The following PRKCB variants were observed in gnomAD, a reference collection of about 807,000 sequenced individuals.
PRKCB encodes protein kinase C beta.
PRKCB carries 13 observed loss-of-function variants against 81.5 expected under a neutral mutation model. The ratio of observed to expected loss-of-function variants is 0.16; its 90% CI spans 0.10 to 0.25. PRKCB has a LOEUF of 0.25. Among genes scored for constraint, PRKCB ranks in the 10% least tolerant of loss-of-function variants. The pLI is 1.00. For synonymous variants in PRKCB, 335 were observed against 321.4 expected (o/e 1.04, Z -0.45); for missense variants, 509 against 875.7 (o/e 0.58, Z 5.29).
At chr16:23,883,715 T>G (rs1429626438) in intron 2 of PRKCB, among the ~76,000 whole-genome samples, 2 of 152,148 alleles carry the variant, frequency 1.3e-5, no homozygotes, top group East Asian at 3.9e-4. Context: ...TACTGGTAAA[T>G]GGGATATGAA....
At chr16:24,108,560 G>A (rs1446057078) in intron 7 of PRKCB, among the ~76,000 whole-genome samples, 2 of 144,764 alleles carry the variant, frequency 1.4e-5, no homozygotes, top group East Asian at 2.0e-4. Flanking sequence ...GACTCTTAAC[G>A]AGCATGCTGC....
At chr16:24,209,458 T>G (rs1394924403) in intron 16 of PRKCB, among the ~76,000 whole-genome samples, 1 of 152,166 alleles carries the variant, frequency 6.6e-6, no homozygotes, top group African/African-American at 2.4e-5. Flanking sequence ...TCTGGAATTT[T>G]GAACTTATCA....
chr16:23,934,132 C>T (rs535560653), intron 2 of PRKCB, among the ~76,000 whole-genome samples: 2 of 152,182 alleles, frequency 1.3e-5, no homozygotes, highest in African/African-American at 4.8e-5. Flanking sequence ...TTGGTTCTGT[C>T]TATTATCAGC....
intron 9 of PRKCB, chr16:24,151,694 A>G: frequency 2.4e-6 from 1 of 419,806 alleles, no homozygotes; most frequent in Non-Finnish European, 4.8e-6. Context: ...GTTCAAAGGA[A>G]AAGAAAGAAC....
At position 24,220,204 on chromosome 16, in the gene PRKCB, A is replaced by G. The variant is rs187700395; in HGVS notation, c.*5388A>G. Reference sequence around the variant, plus strand: ...TAGTCTTCCAGGATTCACGGTGCACATGCTGGCATTCAACATGTGGAAAGC... The same window carrying G: ...TAGTCTTCCAGGATTCACGGTGCACGTGCTGGCATTCAACATGTGGAAAGC... On this transcript the variant is annotated 3_prime_UTR_variant, in exon 17 of 17. Coordinates refer to ENST00000643927, the MANE Select transcript of PRKCB (RefSeq NM_002738.7). 96 of 1,478,132 alleles carry G rather than the reference A, an allele frequency of 6.5e-5. 1 individual carries two copies. The highest frequency in any genetic ancestry group is 1.6e-4 in the East Asian group (7 of 43,682). 91.6% of individuals were successfully genotyped at this position (1,478,132 alleles called of 1,614,324 possible).
chr16:24,120,326 C>A (rs1308316334), intron 8 of PRKCB, among the ~76,000 whole-genome samples: 1 of 152,180 alleles, frequency 6.6e-6, no homozygotes, highest in Non-Finnish European at 1.5e-5. Flanking sequence ...GATTGGTGCA[C>A]TTTGCGGTGC....
At chr16:24,126,247 A>G (rs1439810450) in intron 9 of PRKCB, among the ~76,000 whole-genome samples, 1 of 152,136 alleles carries the variant, frequency 6.6e-6, no homozygotes, top group Non-Finnish European at 1.5e-5. Context: ...AAAAAAAAAT[A>G]GATGAGGTCA....
intron 5 of PRKCB, among the ~76,000 whole-genome samples, chr16:24,088,916 C>A (rs1265578505): frequency 6.6e-6 from 1 of 151,948 alleles, no homozygotes. Context: ...AGTGGCCTTG[C>A]CAGGGAGAAG....
At chr16:23,867,312 G>A (rs566143606) in intron 2 of PRKCB, among the ~76,000 whole-genome samples, 85 of 152,190 alleles carry the variant, frequency 5.6e-4, no homozygotes, top group South Asian at 8.3e-4. Context: ...AGTAGAGACG[G>A]GGTTTCGCCA....
intron 2 of PRKCB, among the ~76,000 whole-genome samples, chr16:23,853,732 G>T (rs1195207069): frequency 6.6e-6 from 1 of 151,810 alleles, no homozygotes. Flanking sequence ...GTGAAATAAA[G>T]AAGCACTTTT....
chr16:24,170,504 C>T (rs1967425923), intron 10 of PRKCB, among the ~76,000 whole-genome samples: 1 of 151,812 alleles, frequency 6.6e-6, no homozygotes, highest in Non-Finnish European at 1.5e-5. Flanking sequence ...GCCAAAGGAA[C>T]GTAGCGTAAA....
intron 2 of PRKCB, among the ~76,000 whole-genome samples, chr16:23,859,442 A>G (rs1962625405): frequency 6.6e-6 from 1 of 152,208 alleles, no homozygotes; most frequent in Admixed American, 6.5e-5. Flanking sequence ...TGTGATGGGC[A>G]GGGGGAAGCT....
chr16:24,040,228 A>G (rs1472581352), intron 5 of PRKCB, among the ~76,000 whole-genome samples: 1 of 152,148 alleles, frequency 6.6e-6, no homozygotes, highest in African/African-American at 2.4e-5. Flanking sequence ...ATGGTTTCCC[A>G]TTGTCTTTAT....
intron 3 of PRKCB, among the ~76,000 whole-genome samples, chr16:24,020,010 G>A (rs1965338109): frequency 6.6e-6 from 1 of 152,188 alleles, no homozygotes. Context: ...ACGTGATGGA[G>A]TGAAAGGTGA....
Position 24,217,901 on chromosome 16 carries a change from G to A in PRKCB, c.*3085G>A. The A allele has an allele frequency of 1.0e-6, 1 of 985,374 alleles. No homozygotes were observed. Among genetic ancestry groups the A allele is most frequent in the Non-Finnish European group, 1.2e-6 (1 of 829,910 alleles). The allele number at this position is 985,374 out of a possible 1,614,324, so 61.0% of individuals were successfully genotyped here. A position where few individuals can be genotyped will look rare whatever the true frequency, so the allele number is the denominator to read the frequency against. On this transcript the variant is annotated 3_prime_UTR_variant, in exon 17 of 17. Coordinates refer to ENST00000643927, the MANE Select transcript of PRKCB (RefSeq NM_002738.7). Reference sequence around the variant, plus strand: ...ATACAGGGGTTCAAAAGGGACAGTGGCCCATTTGGGAGACCTTTAGGATCA... The same window carrying A: ...ATACAGGGGTTCAAAAGGGACAGTGACCCATTTGGGAGACCTTTAGGATCA...
intron 8 of PRKCB, among the ~76,000 whole-genome samples, chr16:24,119,789 C>T (rs561906825): frequency 6.6e-6 from 1 of 152,176 alleles, no homozygotes; most frequent in South Asian, 2.1e-4. Flanking sequence ...GCCTCTACAC[C>T]CCAAATCTCT....
At chr16:24,135,271 A>G (rs1444381828) in intron 9 of PRKCB, among the ~76,000 whole-genome samples, 1 of 147,674 alleles carries the variant, frequency 6.8e-6, no homozygotes, top group African/African-American at 2.5e-5. Context: ...TGAGCATGAG[A>G]GAGCATTCCA....
At chr16:23,842,453 C>G (rs1962283817) in intron 2 of PRKCB, among the ~76,000 whole-genome samples, 1 of 152,166 alleles carries the variant, frequency 6.6e-6, no homozygotes, top group African/African-American at 2.4e-5. Flanking sequence ...GACTAGGCCT[C>G]TTTCATGTAC....
chr16:24,146,495 C>T (rs1014978676), intron 9 of PRKCB, among the ~76,000 whole-genome samples: 15 of 152,140 alleles, frequency 9.9e-5, no homozygotes, highest in Non-Finnish European at 1.9e-4. Context: ...TTCTCAAGGT[C>T]GTACAGCTTG....
Sources: gnomAD v4.1 joint callset for allele counts (sites outside exome capture counted in the v4.1 genomes callset) on GRCh38, gnomAD v4.1.1 for gene constraint, MANE v1.5 for transcripts, NCBI Gene and HGNC (gene_info 2026-07-23, HGNC 2026-07-21) for gene names.